FUT8: variants seen among roughly 807,000 people sequenced by gnomAD.
FUT8 encodes the protein alpha-(1,6)-fucosyltransferase.
FUT8 carries 29 observed loss-of-function variants against 71.3 expected under a neutral mutation model. That is an observed-to-expected ratio of 0.41 (90% CI 0.30 to 0.55). The LOEUF (loss-of-function observed/expected upper bound fraction) is 0.55. Among genes scored for constraint, FUT8 ranks in the 20% least tolerant of loss-of-function variants. The pLI is 0.34. For missense variants in FUT8, 544 were observed against 702.1 expected (o/e 0.77, Z 2.55); for synonymous variants, 254 against 239.3 (o/e 1.06, Z -0.57).
chr14:65,622,723 A>G (rs1889679787), intron 5 of FUT8, among the ~76,000 whole-genome samples: 1 of 152,170 alleles, frequency 6.6e-6, no homozygotes, highest in Non-Finnish European at 1.5e-5. Context: ...TTTTTGCTGC[A>G]GGAGCAAACC....
At chr14:65,604,625 C>T (rs563774272) in intron 3 of FUT8, among the ~76,000 whole-genome samples, 5 of 151,910 alleles carry the variant, frequency 3.3e-5, no homozygotes, top group African/African-American at 1.2e-4. Context: ...AGTTCTTAGC[C>T]TTAAATGCCT....
At chr14:65,689,512 A>G (rs963216777) in intron 7 of FUT8, among the ~76,000 whole-genome samples, 4 of 152,076 alleles carry the variant, frequency 2.6e-5, no homozygotes, top group Non-Finnish European at 5.9e-5. Context: ...ACTATGTCTC[A>G]TAGAGCAGAG....
the FUT8 span, among the ~76,000 whole-genome samples, chr14:65,394,300 A>G: frequency 6.6e-6 from 1 of 152,130 alleles, no homozygotes; most frequent in Non-Finnish European, 1.5e-5. Context: ...CATGAGACTT[A>G]TTCACTACCA....
chr14:65,726,525 G>T (rs1321222481), intron 9 of FUT8, among the ~76,000 whole-genome samples: 1 of 152,188 alleles, frequency 6.6e-6, no homozygotes, highest in African/African-American at 2.4e-5. Context: ...CAAACCATTA[G>T]ATCTTGTGAG....
At chr14:65,398,945 T>G in the FUT8 span, among the ~76,000 whole-genome samples, 99 of 152,238 alleles carry the variant, frequency 6.5e-4, no homozygotes, top group African/African-American at 2.4e-3. Context: ...CACCACAAAA[T>G]CAAAACTATC....
At chr14:65,529,950 G>T (rs368268080) in intron 2 of FUT8, among the ~76,000 whole-genome samples, 1 of 152,036 alleles carries the variant, frequency 6.6e-6, no homozygotes, top group East Asian at 1.9e-4. Context: ...CTGGCCCTTT[G>T]TGAGCTCTGG....
Position 65,603,149 on chromosome 14 carries a change from G to T in FUT8, c.204-12829G>T, listed in dbSNP as rs1888395973. ...TTAAGTCCTTGATCCATCTTGAGTTGATTTTTGTGTAAGGTGAGAGATGAG... is the reference window on the plus strand; with the variant it reads ...TTAAGTCCTTGATCCATCTTGAGTTTATTTTTGTGTAAGGTGAGAGATGAG... On this transcript the variant is annotated intron_variant, in intron 3 of 10. Transcript: ENST00000673929. This position sits in a 1 kb window ranked among gnomAD's most constrained non-coding sequence, Gnocchi z 4.5. Among the ~76,000 whole-genome samples the T allele has an allele frequency of 6.6e-6, 1 of 151,902 alleles. No individual in the cohort carries two copies. The highest frequency in any genetic ancestry group is 1.5e-5 in the Non-Finnish European group (1 of 67,936).
At chr14:65,576,696 C>CT (rs376473739) in intron 3 of FUT8, among the ~76,000 whole-genome samples, 1 of 96,216 alleles carries the variant, frequency 1.0e-5, no homozygotes, top group Non-Finnish European at 1.8e-5. Context: ...GCCCAGCTTG[C>CT]TTTTTTTTTT....
At chr14:65,513,732 C>CT (rs143796377) in intron 2 of FUT8, among the ~76,000 whole-genome samples, 19,418 of 152,132 alleles carry the variant, frequency 0.13, 1,624 homozygotes, top group East Asian at 0.38. Flanking sequence ...AAGGAGAAAA[C>CT]TTTATTTTCA....
rs867231060 is a variant in FUT8 at position 65,603,382 on chromosome 14, G to A, written c.204-12596G>A. Among the ~76,000 whole-genome samples the A allele has an allele frequency of 2.6e-5, 4 of 151,682 alleles. No individual in the cohort carries two copies. The highest frequency in any genetic ancestry group is 4.4e-5 in the Non-Finnish European group (3 of 67,856). On this transcript the variant is annotated intron_variant, in intron 3 of 10. Coordinates refer to ENST00000673929, the MANE Select transcript of FUT8 (RefSeq NM_001371533.1). The surrounding 1 kb of genome is among the most constrained non-coding windows in gnomAD (Gnocchi z 4.5). Reference sequence around the variant, plus strand: ...CACACTGTTTCGGTGACTTACGGCCGTATAGTATGGTTTGAAATCAGGTAG... The same window carrying A: ...CACACTGTTTCGGTGACTTACGGCCATATAGTATGGTTTGAAATCAGGTAG...
chr14:65,427,227 C>A (rs148184439), intron 1 of FUT8, among the ~76,000 whole-genome samples: 1 of 152,132 alleles, frequency 6.6e-6, no homozygotes, highest in South Asian at 2.1e-4. Context: ...CATATCTTAG[C>A]TATATGAATA....
At chr14:65,487,408 CA>C (rs1197470390) in intron 2 of FUT8, among the ~76,000 whole-genome samples, 1 of 151,774 alleles carries the variant, frequency 6.6e-6, no homozygotes, top group Non-Finnish European at 1.5e-5. Context: ...ACTAAAAATA[CA>C]AAAATTAGCC....
chr14:65,518,437 C>T (rs1460431062), intron 2 of FUT8, among the ~76,000 whole-genome samples: 1 of 152,184 alleles, frequency 6.6e-6, no homozygotes, highest in Non-Finnish European at 1.5e-5. Context: ...ACTTCTTTCT[C>T]ATAGCCTACA....
intron 2 of FUT8, among the ~76,000 whole-genome samples, chr14:65,537,475 C>T (rs1884397162): frequency 6.6e-6 from 1 of 152,120 alleles, no homozygotes; most frequent in Non-Finnish European, 1.5e-5. Context: ...GTAAGCTCCG[C>T]CTCCCAGGTT....
chr14:65,584,928 A>G (rs959858134), intron 3 of FUT8, among the ~76,000 whole-genome samples: 9 of 152,308 alleles, frequency 5.9e-5, no homozygotes, highest in South Asian at 2.1e-4. Context: ...GGCTGTGACA[A>G]TTTCTTAAAA....
intron 2 of FUT8, among the ~76,000 whole-genome samples, chr14:65,517,437 A>G (rs983221362): frequency 2.0e-5 from 3 of 152,176 alleles, no homozygotes; most frequent in South Asian, 2.1e-4. Flanking sequence ...ACCTGGTAGC[A>G]TATGCTTTTT....
chr14:65,726,597 A>G (rs914200024), intron 9 of FUT8, among the ~76,000 whole-genome samples: 7 of 152,166 alleles, frequency 4.6e-5, no homozygotes, highest in African/African-American at 1.4e-4. Context: ...ATTACCTTCC[A>G]CTGGGTCCCT....
intron 2 of FUT8, among the ~76,000 whole-genome samples, chr14:65,547,786 T>C (rs1170614792): frequency 6.6e-6 from 1 of 151,904 alleles, no homozygotes; most frequent in Non-Finnish European, 1.5e-5. Context: ...AGTCACTGTA[T>C]ACTCTTTGCC....
chr14:65,412,453 C>T (rs934755545), upstream of FUT8: 14 of 415,406 alleles, frequency 3.4e-5, no homozygotes, highest in Non-Finnish European at 6.8e-5. Context: ...CGCTCGCGCC[C>T]CGCTCAGCCT....
Sources: allele counts gnomAD v4.1 joint callset (sites outside exome capture counted in the v4.1 genomes callset), GRCh38; gene constraint gnomAD v4.1.1; non-coding constraint Gnocchi (gnomAD v3.1); transcripts MANE v1.5; gene names NCBI Gene and HGNC (gene_info 2026-07-23, HGNC 2026-07-21).